APELA: variants seen among roughly 807,000 people sequenced by gnomAD.
The protein encoded by APELA is apelin receptor early endogenous ligand, also known as protein Elabela.
chr4:164,893,507 C>G (rs1452157594), intron 2 of APELA, among the ~76,000 whole-genome samples: 1 of 151,970 alleles, frequency 6.6e-6, no homozygotes, highest in Non-Finnish European at 1.5e-5. Flanking sequence ...GTATATATAT[C>G]TTCATAATTG....
In APELA at chr4:164,884,100, A is replaced by T. The variant is rs886278053; in HGVS notation, c.*1+5091A>T. 1.7e-4 allele frequency among the ~76,000 whole-genome samples: 11 copies of T among 64,076 alleles called. No homozygotes were observed. The South Asian group carries it at 1.8e-3, about 10-fold the overall frequency. 42.0% of individuals were successfully genotyped at this position (64,076 alleles called of 152,430 possible). On this transcript the variant is annotated intron_variant, in intron 2 of 2. Transcript: ENST00000507152. The stretch of plus-strand genomic sequence containing the variant: ...AAGAAAGAAGGAAAAAAAGAAAGAA[A>T]GAATGAAAGAAAGAAAGAAAGAGAA...
intron 2 of APELA, 61 bp from the exon 3 acceptor site, chr4:164,895,355 A>T (rs942392406): frequency 6.6e-6 from 1 of 152,172 alleles, no homozygotes; most frequent in African/African-American, 2.4e-5. Context: ...GCATGTGTTT[A>T]TTGGTGTGCT....
Position 164,896,106 on chromosome 4 carries a change from T to G in APELA, c.*692T>G, listed in dbSNP as rs1560862415. On this transcript the variant is annotated 3_prime_UTR_variant, in exon 3 of 3. Transcript: ENST00000507152. ...CAAATGAAACCATTGTTTTTGTTTT[T>G]GTTTTGAAACAGAGTCTCACTCTGT... 6.6e-6 allele frequency: 1 copy of G among 152,196 alleles called. No homozygotes were observed. The highest frequency in any genetic ancestry group is 2.1e-4 in the South Asian group (1 of 4,832). 9.4% of individuals were successfully genotyped at this position (152,196 alleles called of 1,614,324 possible).
At chr4:164,897,886 T>C (rs1731004045), downstream of APELA, among the ~76,000 whole-genome samples, 1 of 152,166 alleles carries the variant, frequency 6.6e-6, no homozygotes, top group African/African-American at 2.4e-5. Flanking sequence ...TATGGGTTGG[T>C]ATTCTTTTAA....
chr4:164,884,096 AGAAAGAAT>A (rs1730714678), intron 2 of APELA, among the ~76,000 whole-genome samples: 1 of 78,968 alleles, frequency 1.3e-5, no homozygotes, highest in Admixed American at 1.3e-4. Flanking sequence ...AAAAAAAGAA[AGAAAGAAT>A]GAAAGAAAGA....
chr4:164,895,013 G>A (rs755719328), intron 2 of APELA, among the ~76,000 whole-genome samples: 1 of 152,164 alleles, frequency 6.6e-6, no homozygotes, highest in Non-Finnish European at 1.5e-5. Flanking sequence ...CAGCCTTCAT[G>A]TCTTCAGGAG....
At chr4:164,890,656 T>C (rs1211368474) in intron 2 of APELA, among the ~76,000 whole-genome samples, 1 of 152,186 alleles carries the variant, frequency 6.6e-6, no homozygotes, top group Non-Finnish European at 1.5e-5. Flanking sequence ...TGATGAACAT[T>C]TGGGTTATTC....
intron 2 of APELA, among the ~76,000 whole-genome samples, chr4:164,880,610 C>T (rs1730637636): frequency 6.6e-6 from 1 of 152,090 alleles, no homozygotes; most frequent in Non-Finnish European, 1.5e-5. Context: ...CAGATTTTTC[C>T]AGCACTCCTT....
chr4:164,894,019 T>A (rs1730926623), intron 2 of APELA, among the ~76,000 whole-genome samples: 1 of 152,166 alleles, frequency 6.6e-6, no homozygotes, highest in Admixed American at 6.6e-5. Context: ...GTATAACATT[T>A]TAATTTATTT....
rs1443476061 is a variant in APELA, at chr4:164,897,117, A to G, written c.*1703A>G. 1 of 152,216 alleles carries G rather than the reference A, an allele frequency of 6.6e-6. No homozygotes were observed. Among genetic ancestry groups the G allele is most frequent in the Non-Finnish European group, 1.5e-5 (1 of 68,044 alleles). 9.4% of individuals were successfully genotyped at this position (152,216 alleles called of 1,614,324 possible). On this transcript the variant is annotated 3_prime_UTR_variant, in exon 3 of 3. Coordinates refer to ENST00000507152, the MANE Select transcript of APELA (RefSeq NM_001297550.2). ...CTGGAGTAGAAGTTTTACTTTGTAA[A>G]TATTATAAAGTAGAAGAAACCATAA...
chr4:164,877,394 C>T lies in APELA; in HGVS notation c.63C>T (p.Ser21=), dbSNP rs76650139. The T allele has an allele frequency of 3.3e-3, 1,315 of 398,968 alleles. 17 individuals carry two copies. The highest frequency in any genetic ancestry group is 0.024 in the African/African-American group (1,165 of 48,728). The allele number at this position is 398,968 out of a possible 1,614,324, so 24.7% of individuals were successfully genotyped here. A position where few individuals can be genotyped will look rare whatever the true frequency, so the allele number is the denominator to read the frequency against. Reference sequence around the variant, plus strand: ...TTATTATGAGTCTTCTCCTTATCAGCGGACAGAGACCAGGTAGGCCTTTGA... The same window carrying T: ...TTATTATGAGTCTTCTCCTTATCAGTGGACAGAGACCAGGTAGGCCTTTGA... ...FIFIMSLLLI[S]GQRPVNLTMR... is the part of the protein sequence containing the mutation. Residue 21 remains serine, a synonymous_variant, in exon 1 of 3, where the codon AGC becomes AGT. Transcript: ENST00000507152.
At chr4:164,892,620 G>T (rs1403199986) in intron 2 of APELA, among the ~76,000 whole-genome samples, 2 of 152,048 alleles carry the variant, frequency 1.3e-5, no homozygotes, top group African/African-American at 4.8e-5. Flanking sequence ...TTGGTATTGG[G>T]TAACCATAAA....
chr4:164,878,377 T>C (rs1730598530), intron 1 of APELA, among the ~76,000 whole-genome samples: 2 of 152,184 alleles, frequency 1.3e-5, no homozygotes, highest in South Asian at 2.1e-4. Context: ...CAGACTTTGC[T>C]TTTTAGTGAA....
intron 2 of APELA, among the ~76,000 whole-genome samples, chr4:164,892,914 A>G (rs1730909917): frequency 6.6e-6 from 1 of 151,864 alleles, no homozygotes; most frequent in Admixed American, 6.6e-5. Flanking sequence ...CTATTTTCTT[A>G]TAGTTATTTT....
At chr4:164,893,426 T>G (rs1310352229) in intron 2 of APELA, among the ~76,000 whole-genome samples, 1 of 152,152 alleles carries the variant, frequency 6.6e-6, no homozygotes, top group Non-Finnish European at 1.5e-5. Flanking sequence ...TCTAATTTGA[T>G]TCCATTGTTG....
At chr4:164,880,178 T>C (rs771643248) in intron 2 of APELA, among the ~76,000 whole-genome samples, 1 of 152,242 alleles carries the variant, frequency 6.6e-6, no homozygotes, top group Non-Finnish European at 1.5e-5. Flanking sequence ...AGTTGGCCTG[T>C]AGAGTAGCTT....
intron 2 of APELA, among the ~76,000 whole-genome samples, chr4:164,885,902 T>C (rs1730761226): frequency 6.6e-6 from 1 of 152,232 alleles, no homozygotes; most frequent in South Asian, 2.1e-4. Flanking sequence ...GGTGGAGATA[T>C]TTCCTCTTCT....
downstream of APELA, among the ~76,000 whole-genome samples, chr4:164,898,104 C>T (rs1475912728): frequency 5.9e-5 from 9 of 151,894 alleles, no homozygotes; most frequent in East Asian, 3.9e-4. Context: ...TTGGCCAGGC[C>T]GGTCCCGAAC....
At chr4:164,895,373 AT>A (rs1296010299) in intron 2 of APELA, 42 bp from the exon 3 acceptor site, 1 of 152,178 alleles carries the variant, frequency 6.6e-6, no homozygotes, top group Admixed American at 6.6e-5. Context: ...GCTGGATAGT[AT>A]TTCTTTGATG....
Sources: allele counts gnomAD v4.1 joint callset (sites outside exome capture counted in the v4.1 genomes callset), GRCh38; gene constraint gnomAD v4.1.1; transcripts MANE v1.5; gene names NCBI Gene and HGNC (gene_info 2026-07-23, HGNC 2026-07-21).